Variants in KDM4D observed in about 807,000 individuals in gnomAD.
The protein encoded by KDM4D is lysine demethylase 4D, also known as lysine-specific demethylase 4D.
For synonymous variants in KDM4D, 254 were observed against 249.1 expected, an observed-to-expected ratio of 1.02 and a Z score of -0.19; for missense variants, 427 against 674.8, an observed-to-expected ratio of 0.63 and a Z score of 4.07.
intron 2 of KDM4D, 76 bp downstream of exon 2, chr11:94,975,824 G>A (rs587718994): frequency 1.3e-5 from 2 of 152,208 alleles, no homozygotes; most frequent in African/African-American, 4.8e-5. Flanking sequence ...ATGGCAAGAT[G>A]GTAACACAAT....
chr11:94,976,819 A>G (rs1244127717), intron 2 of KDM4D, among the ~76,000 whole-genome samples: 1 of 152,208 alleles, frequency 6.6e-6, no homozygotes, highest in Non-Finnish European at 1.5e-5. Context: ...TAGAAACCAT[A>G]AAAACCTAAG....
At position 94,981,518 on chromosome 11, in the gene KDM4D, T is replaced by C. The variant is rs1590965046; in HGVS notation, c.-350+5770T>C. 2.6e-5 allele frequency among the ~76,000 whole-genome samples: 4 copies of C among 152,066 alleles called. No individual in the cohort carries two copies. The South Asian group carries it at 8.3e-4, about 31-fold the overall frequency. On this transcript the variant is annotated intron_variant, in intron 2 of 2. Coordinates refer to ENST00000335080, the MANE Select transcript of KDM4D (RefSeq NM_018039.3). ...AGTTTTACCTACTGCGTCAGTGTCC[T>C]TGAGGGTTATGGATATATTTATTGT... is the stretch of plus-strand genomic sequence containing the variant.
At chr11:94,989,958 C>G (rs1429001601) in intron 2 of KDM4D, among the ~76,000 whole-genome samples, 2 of 151,992 alleles carry the variant, frequency 1.3e-5, no homozygotes, top group Admixed American at 6.6e-5. Context: ...AGGGTTTCAC[C>G]ATGTTGGCCA....
At chr11:94,988,981 G>A (rs1287631064) in intron 2 of KDM4D, among the ~76,000 whole-genome samples, 1 of 152,144 alleles carries the variant, frequency 6.6e-6, no homozygotes, top group Admixed American at 6.5e-5. Flanking sequence ...AAGCATCTGA[G>A]GGCTCCAGTA....
At position 94,993,500 on chromosome 11, in the gene KDM4D, CA is replaced by C. The variant is rs587693543; in HGVS notation, c.-349-3521del. ...AGGATCTCTCCATCATTGTACCTGG[CA>C]AATTCTAAGCAGTTTTTTTTTTTTT... On this transcript the variant is annotated intron_variant, in intron 2 of 2. Transcript: ENST00000335080. 3.2e-3 allele frequency among the ~76,000 whole-genome samples: 426 copies of C among 134,866 alleles called. 4 individuals are homozygous for C. Among genetic ancestry groups the C allele is most frequent in the Middle Eastern group, 0.015 (4 of 272 alleles). The allele number at this position is 134,866 out of a possible 152,430, so 88.5% of individuals were successfully genotyped here.
At chr11:94,981,387 T>G (rs1006977853) in intron 2 of KDM4D, among the ~76,000 whole-genome samples, 1 of 152,068 alleles carries the variant, frequency 6.6e-6, no homozygotes, top group African/African-American at 2.4e-5. Flanking sequence ...ATTCTTTCTT[T>G]TTCTATTCTC....
intron 2 of KDM4D, among the ~76,000 whole-genome samples, chr11:94,988,321 T>C (rs1157422185): frequency 1.3e-5 from 2 of 152,050 alleles, no homozygotes; most frequent in Admixed American, 1.3e-4. Context: ...TGGGAGAGAG[T>C]TGTGATATTT....
rs1858002007 is a variant in KDM4D, at chr11:94,998,829, C to T, written c.1457C>T (p.Pro486Leu). 1 of 1,588,658 alleles carries T rather than the reference C, an allele frequency of 6.3e-7. No individual in the cohort carries two copies. Among genetic ancestry groups the T allele is most frequent in the Non-Finnish European group, 8.6e-7 (1 of 1,165,070 alleles). ...LAGTTCTASG[P>L]EPEPLPEDGA... is the part of the protein sequence containing the mutation. ...GGCACAACATGCACAGCTTCGGGCC[C>T]AGAACCTGAGCCCCTACCTGAGGAT... The change falls in exon 3 of 3, where the codon CCA becomes CTA. Residue 486 changes from proline (P) to leucine (L), a missense_variant. Transcript: ENST00000335080. The surrounding 1 kb of genome is among the most constrained non-coding windows in gnomAD (Gnocchi z 6.7).
intron 2 of KDM4D, among the ~76,000 whole-genome samples, chr11:94,985,095 A>G (rs1446944836): frequency 1.3e-5 from 2 of 152,206 alleles, no homozygotes; most frequent in African/African-American, 2.4e-5. Context: ...TTACTACTTT[A>G]TGCAGCATTA....
At chr11:94,993,119 A>AC (rs1555098851) in intron 2 of KDM4D, among the ~76,000 whole-genome samples, 1 of 152,054 alleles carries the variant, frequency 6.6e-6, no homozygotes, top group South Asian at 2.1e-4. Flanking sequence ...CCAGTTTAAC[A>AC]CCCCCCAACA....
chr11:94,978,173 T>C (rs1721643935), intron 2 of KDM4D, among the ~76,000 whole-genome samples: 1 of 152,090 alleles, frequency 6.6e-6, no homozygotes, highest in Non-Finnish European at 1.5e-5. Context: ...CTAATCCAAC[T>C]CTCTCCATCT....
chr11:94,979,354 C>T (rs1337147924), intron 2 of KDM4D, among the ~76,000 whole-genome samples: 1 of 152,006 alleles, frequency 6.6e-6, no homozygotes. Context: ...CTCAGCCTCC[C>T]GAGTAGCTAG....
intron 2 of KDM4D, among the ~76,000 whole-genome samples, chr11:94,996,259 G>T (rs951806958): frequency 2.6e-5 from 4 of 152,036 alleles, no homozygotes; most frequent in Non-Finnish European, 4.4e-5. Context: ...ATCATACCTT[G>T]ATGAGTTAAC....
intron 2 of KDM4D, among the ~76,000 whole-genome samples, chr11:94,976,322 ACCT>A (rs1169887262): frequency 2.6e-5 from 4 of 151,924 alleles, no homozygotes; most frequent in Admixed American, 6.6e-5. Context: ...TGCCTCTTTC[ACCT>A]CCTTTTCCCT....
intron 2 of KDM4D, among the ~76,000 whole-genome samples, chr11:94,989,506 G>T (rs1454993253): frequency 6.6e-6 from 1 of 152,110 alleles, no homozygotes; most frequent in Non-Finnish European, 1.5e-5. Flanking sequence ...TTTATTATAT[G>T]TCAGAATGAA....
chr11:94,977,189 A>C lies in KDM4D; in HGVS notation c.-350+1441A>C, dbSNP rs903717008. Among the ~76,000 whole-genome samples the C allele has an allele frequency of 2.0e-5, 3 of 152,366 alleles. No individual in the cohort carries two copies. The East Asian group carries it at 5.8e-4, about 29-fold the overall frequency. On this transcript the variant is annotated intron_variant, in intron 2 of 2. Coordinates refer to ENST00000335080, the MANE Select transcript of KDM4D (RefSeq NM_018039.3). ...TCAACCTTCTAATGAGGAAAATGAA[A>C]GTAAACTAAAAATGGATTATCACAT...
chr11:94,997,117 C>A lies in KDM4D; in HGVS notation c.-256C>A. ...ATAGACTTAAGAAGACAGAGCCCAG[C>A]AGCAACCGAAACATAACAGAGTTGC... On this transcript the variant is annotated 5_prime_UTR_variant, in exon 3 of 3. Coordinates refer to ENST00000335080, the MANE Select transcript of KDM4D (RefSeq NM_018039.3). The A allele has an allele frequency of 3.0e-6, 1 of 330,086 alleles. No individual in the cohort carries two copies. The highest frequency in any genetic ancestry group is 5.5e-6 in the Non-Finnish European group (1 of 183,312). The allele number at this position is 330,086 out of a possible 1,614,324, so 20.4% of individuals were successfully genotyped here.
Position 94,999,360 on chromosome 11 carries a change from ACCCC to A in KDM4D, c.*418_*421del, listed in dbSNP as rs1590971340. On this transcript the variant is annotated 3_prime_UTR_variant, in exon 3 of 3. Coordinates refer to ENST00000335080, the MANE Select transcript of KDM4D (RefSeq NM_018039.3). ...ACGCATTTCTCTCTTCCCCTCCCTCACCCCCTTTTTCTTATAAAACTAGGTTCTT... is the reference window on the plus strand; with the variant it reads ...ACGCATTTCTCTCTTCCCCTCCCTCACTTTTTCTTATAAAACTAGGTTCTT... 5.9e-6 allele frequency: 1 copy of A among 168,960 alleles called. No homozygotes were observed. The highest frequency in any genetic ancestry group is 2.1e-4 in the South Asian group (1 of 4,800). 10.5% of individuals were successfully genotyped at this position (168,960 alleles called of 1,614,324 possible). A position where few individuals can be genotyped will look rare whatever the true frequency, so the allele number is the denominator to read the frequency against.
intron 2 of KDM4D, among the ~76,000 whole-genome samples, chr11:94,979,355 G>A (rs782250188): frequency 1.3e-5 from 2 of 151,870 alleles, no homozygotes; most frequent in African/African-American, 2.4e-5. Flanking sequence ...TCAGCCTCCC[G>A]AGTAGCTAGG....
Sources: gnomAD v4.1 joint callset for allele counts (sites outside exome capture counted in the v4.1 genomes callset) on GRCh38, gnomAD v4.1.1 for gene constraint, Gnocchi (gnomAD v3.1) non-coding constraint, MANE v1.5 for transcripts, NCBI Gene and HGNC (gene_info 2026-07-23, HGNC 2026-07-21) for gene names.